GOLGA3: variants seen among roughly 807,000 people sequenced by gnomAD.
GOLGA3 encodes golgin subfamily A member 3.
In GOLGA3, 75 loss-of-function variants were observed where a neutral mutation model predicts 169.4. That is an observed-to-expected ratio of 0.44 (90% CI 0.37 to 0.54). The LOEUF (loss-of-function observed/expected upper bound fraction) is 0.54. Ranked by LOEUF, GOLGA3 falls within the 20% of genes least tolerant of loss-of-function variation. The pLI is 0.00. For synonymous variants in GOLGA3, 824 were observed against 822.4 expected (o/e 1.00, Z -0.03); for missense variants, 1,899 against 1,930.0 (o/e 0.98, Z 0.30).
intron 2 of GOLGA3, among the ~76,000 whole-genome samples, chr12:132,821,723 G>A (rs898434214): frequency 6.6e-5 from 10 of 150,514 alleles, no homozygotes; most frequent in South Asian, 4.3e-4. Flanking sequence ...GCGCGGTGGC[G>A]GGCGCCTGTA....
intron 1 of GOLGA3, among the ~76,000 whole-genome samples, chr12:132,823,859 G>C (rs1013698719): frequency 2.0e-5 from 3 of 151,448 alleles, no homozygotes; most frequent in African/African-American, 7.3e-5. Flanking sequence ...AAGGTGGGTG[G>C]ATCACTTGAG....
chr12:132,778,824 G>A lies in GOLGA3; in HGVS notation c.3583-1019C>T, dbSNP rs576894553. ...GCAGGAGAATCACTTGAACCCGGGA[G>A]GCAGAGGTTACAGTGAACCAAGATT... On this transcript the variant is annotated intron_variant, in intron 18 of 23. Transcript: ENST00000450791. Among the ~76,000 whole-genome samples, 240 of 151,548 alleles carry A rather than the reference G, an allele frequency of 1.6e-3. 2 individuals are homozygous for A. Among genetic ancestry groups the A allele is most frequent in the African/African-American group, 5.5e-3 (226 of 41,344 alleles).
intron 2 of GOLGA3, among the ~76,000 whole-genome samples, 200 bp downstream of exon 2, chr12:132,821,796 G>C (rs563098771): frequency 7.1e-5 from 10 of 140,910 alleles, no homozygotes; most frequent in African/African-American, 2.3e-4. Flanking sequence ...GGAGCTTGCA[G>C]CGAGCCGAGA....
In GOLGA3 at chr12:132,784,224, T is replaced by C; in HGVS notation, c.3207A>G (p.Ile1069Met). The change falls in exon 16 of 24, where the codon ATA becomes ATG. Residue 1069 changes from isoleucine to methionine, a missense_variant. By Grantham distance (10) the Ile-to-Met change is conservative. Transcript: ENST00000450791. The stretch of plus-strand genomic sequence containing the variant: ...CCTCCAGCTCCTGGCTGGTCAGCGC[T>C]ATGACCTCCTGCAGTTCCTTTTCCA... ...TLLEKELQEV[I>M]ALTSQELEES... The C allele has an allele frequency of 6.2e-7, 1 of 1,611,186 alleles. No homozygotes were observed. Among genetic ancestry groups the C allele is most frequent in the Non-Finnish European group, 8.5e-7 (1 of 1,180,008 alleles).
chr12:132,774,924 T>A, intron 22 of GOLGA3: 1 of 570,328 alleles, frequency 1.8e-6, no homozygotes, highest in Non-Finnish European at 3.1e-6. Context: ...CAAAGTGGTA[T>A]TTGAATTCAC....
chr12:132,807,824 C>T (rs1949489037), intron 5 of GOLGA3, 67 bp downstream of exon 5: 1 of 451,844 alleles, frequency 2.2e-6, no homozygotes, highest in South Asian at 4.8e-5. Context: ...CTCTGCCCGC[C>T]CCACACCCCC....
chr12:132,780,510 C>A (rs1199594528), intron 18 of GOLGA3, among the ~76,000 whole-genome samples: 1 of 152,244 alleles, frequency 6.6e-6, no homozygotes, highest in East Asian at 1.9e-4. Context: ...CTCAAGTTTG[C>A]TTTTGCAATG....
At chr12:132,789,470 A>C (rs1214351540) in intron 12 of GOLGA3, among the ~76,000 whole-genome samples, 180 bp from the exon 13 acceptor site, 1 of 152,242 alleles carries the variant, frequency 6.6e-6, no homozygotes, top group Admixed American at 6.5e-5. Flanking sequence ...CTGTTTATCC[A>C]CAGGTGACAT....
At chr12:132,812,628 A>G (rs1426992272) in intron 4 of GOLGA3, among the ~76,000 whole-genome samples, 1 of 152,258 alleles carries the variant, frequency 6.6e-6, no homozygotes. Flanking sequence ...ACTTGACTGC[A>G]GATGTGGTGG....
rs923902390 is a variant in GOLGA3, at chr12:132,769,670, G to C, written c.*3435C>G. 2 of 152,216 alleles carry C rather than the reference G, an allele frequency of 1.3e-5. No homozygotes were observed. The highest frequency in any genetic ancestry group is 2.9e-5 in the Non-Finnish European group (2 of 68,040). The allele number at this position is 152,216 out of a possible 1,614,324, so 9.4% of individuals were successfully genotyped here. On this transcript the variant is annotated 3_prime_UTR_variant, in exon 24 of 24. Coordinates refer to ENST00000450791, the MANE Select transcript of GOLGA3 (RefSeq NM_001389683.1). ...ACATCGTGAAGTGCCCTAGCCTGTTGTGACACACGGTGTGGGGATGAACAC... is the reference window on the plus strand; with the variant it reads ...ACATCGTGAAGTGCCCTAGCCTGTTCTGACACACGGTGTGGGGATGAACAC...
At position 132,824,698 on chromosome 12, in the gene GOLGA3, C is replaced by G. The variant is rs142607693; in HGVS notation, c.-183-2387G>C. ...ATCTCATGTTTGCGTCTATGATCATCTAGTAACATCTCTCATCCCTGGATT... is the reference window on the plus strand; with the variant it reads ...ATCTCATGTTTGCGTCTATGATCATGTAGTAACATCTCTCATCCCTGGATT... On this transcript the variant is annotated intron_variant, in intron 1 of 23. Coordinates refer to ENST00000450791, the MANE Select transcript of GOLGA3 (RefSeq NM_001389683.1). Among the ~76,000 whole-genome samples, 194 of 152,304 alleles carry G rather than the reference C, an allele frequency of 1.3e-3. 5 individuals carry two copies. In the East Asian group the frequency reaches 0.029, roughly 23 times the overall value.
chr12:132,785,569 T>C (rs1219660234), intron 15 of GOLGA3, among the ~76,000 whole-genome samples: 1 of 152,132 alleles, frequency 6.6e-6, no homozygotes, highest in Non-Finnish European at 1.5e-5. Flanking sequence ...TGCCTCAGCC[T>C]CCCAAAGCGC....
intron 3 of GOLGA3, among the ~76,000 whole-genome samples, chr12:132,815,722 C>G (rs1398762464): frequency 6.6e-6 from 1 of 151,918 alleles, no homozygotes; most frequent in African/African-American, 2.4e-5. Context: ...ATGGTGAGAC[C>G]CCGTTTCTAC....
intron 21 of GOLGA3, among the ~76,000 whole-genome samples, chr12:132,775,975 C>G (rs1444722122): frequency 6.6e-6 from 1 of 152,262 alleles, no homozygotes; most frequent in Non-Finnish European, 1.5e-5. Context: ...TCGGAGCCGG[C>G]CCAGGCTTCG....
At position 132,807,098 on chromosome 12, in the gene GOLGA3, A is replaced by G. The variant is rs1030174038; in HGVS notation, c.1290+79T>C. 12 of 808,454 alleles carry G rather than the reference A, an allele frequency of 1.5e-5. No homozygotes were observed. In the African/African-American group the frequency reaches 2.0e-4, roughly 14 times the overall value. 50.1% of individuals were successfully genotyped at this position (808,454 alleles called of 1,614,324 possible). On this transcript the variant is annotated intron_variant, in intron 6 of 23. Coordinates refer to ENST00000450791, the MANE Select transcript of GOLGA3 (RefSeq NM_001389683.1). The stretch of plus-strand genomic sequence containing the variant: ...CGGCTGATTCCCAACCACATCTGTG[A>G]AACCTCGTACCCAACAGAGGAGCCA...
chr12:132,800,087 T>TA (rs1207767069), intron 8 of GOLGA3, among the ~76,000 whole-genome samples: 1 of 152,218 alleles, frequency 6.6e-6, no homozygotes, highest in Non-Finnish European at 1.5e-5. Context: ...CGTCTTTAAA[T>TA]ACCTCATATA....
At chr12:132,783,233 G>A (rs1269548287) in intron 16 of GOLGA3, among the ~76,000 whole-genome samples, 3 of 152,208 alleles carry the variant, frequency 2.0e-5, no homozygotes, top group Admixed American at 6.5e-5. Flanking sequence ...ACAACCCTGC[G>A]ATGGACACCA....
chr12:132,820,256 T>C (rs909540035), intron 2 of GOLGA3, among the ~76,000 whole-genome samples: 2 of 151,930 alleles, frequency 1.3e-5, no homozygotes, highest in African/African-American at 4.8e-5. Flanking sequence ...GGAGGATCAC[T>C]TAAGCCCAGG....
chr12:132,806,563 G>A (rs762514591), intron 6 of GOLGA3, among the ~76,000 whole-genome samples: 11 of 152,208 alleles, frequency 7.2e-5, no homozygotes, highest in African/African-American at 1.2e-4. Flanking sequence ...CTGCGGCCTC[G>A]CAGGCCACAG....
Sources: allele counts gnomAD v4.1 joint callset (sites outside exome capture counted in the v4.1 genomes callset), GRCh38; gene constraint gnomAD v4.1.1; transcripts MANE v1.5; gene names NCBI Gene and HGNC (gene_info 2026-07-23, HGNC 2026-07-21).